The following DHTKD1 variants were observed in gnomAD, a reference collection of about 807,000 sequenced individuals.
DHTKD1 encodes 2-oxoadipate dehydrogenase complex component E1.
In DHTKD1, 78 loss-of-function variants were observed where a neutral mutation model predicts 101.8. That is an observed-to-expected ratio of 0.77 (90% CI 0.64 to 0.93). DHTKD1 has a LOEUF of 0.93. DHTKD1 is among the 40% of genes least tolerant of loss of function. The pLI is 0.00. For missense variants in DHTKD1, 1,223 were observed against 1,161.7 expected (o/e 1.05, Z -0.77); for synonymous variants, 462 against 450.3 (o/e 1.03, Z -0.33).
At chr10:12,116,908 C>T (rs1469244181) in intron 13 of DHTKD1, among the ~76,000 whole-genome samples, 1 of 152,004 alleles carries the variant, frequency 6.6e-6, no homozygotes, top group South Asian at 2.1e-4. Context: ...ACCATCTTGC[C>T]TAGGCTGGTC....
chr10:12,114,291 AG>A (rs1833380376), intron 13 of DHTKD1, among the ~76,000 whole-genome samples: 1 of 151,886 alleles, frequency 6.6e-6, no homozygotes. Flanking sequence ...AATTAGAATT[AG>A]TATTAAATTT....
Position 12,112,973 on chromosome 10 carries a change from CA to C in DHTKD1, c.2229del (p.Gln744SerfsTer74). The stretch of plus-strand genomic sequence containing the variant: ...TTTGTGGTTCACCCAACAACTCCTG[CA>C]CAGTATTTCCACTTGCTTAGGAGAC... ...NMFVVHPTTP[A>X]QYFHLLRRQM... On this transcript the variant is annotated frameshift_variant, in exon 13 of 17. Transcript: ENST00000263035. LOFTEE classifies it high-confidence loss of function. 2 of 1,613,962 alleles carry C rather than the reference CA, an allele frequency of 1.2e-6. No individual in the cohort carries two copies. The highest frequency in any genetic ancestry group is 1.7e-6 in the Non-Finnish European group (2 of 1,179,958).
intron 15 of DHTKD1, among the ~76,000 whole-genome samples, chr10:12,119,505 A>C (rs1285837135): frequency 1.7e-4 from 24 of 142,748 alleles, no homozygotes; most frequent in East Asian, 6.3e-4. Flanking sequence ...AGTCCCAGCT[A>C]CTTGGGAGGC....
At chr10:12,081,367 A>AT in intron 1 of DHTKD1, 105 bp from the exon 2 acceptor site, 1 of 885,596 alleles carries the variant, frequency 1.1e-6, no homozygotes, top group Non-Finnish European at 1.8e-6. Context: ...AAATAAATAA[A>AT]AAGTAAGGTG....
At chr10:12,081,696 G>A in intron 2 of DHTKD1, 69 bp downstream of exon 2, 1 of 1,579,012 alleles carries the variant, frequency 6.3e-7, no homozygotes, top group Non-Finnish European at 8.7e-7. Context: ...CTCTGTTCTT[G>A]AAGAAGCAGC....
chr10:12,085,606 C>T (rs529243514), intron 3 of DHTKD1, among the ~76,000 whole-genome samples: 7 of 152,208 alleles, frequency 4.6e-5, no homozygotes, highest in African/African-American at 1.7e-4. Flanking sequence ...TGACTGGGCA[C>T]AGTGGCTCGC....
At chr10:12,090,888 C>G (rs1305244989) in intron 5 of DHTKD1, among the ~76,000 whole-genome samples, 1 of 151,942 alleles carries the variant, frequency 6.6e-6, no homozygotes, top group Non-Finnish European at 1.5e-5. Flanking sequence ...TCATTTTTAC[C>G]CAGTACATTG....
intron 16 of DHTKD1, 157 bp downstream of exon 16, chr10:12,120,424 C>CG: frequency 1.6e-6 from 1 of 606,834 alleles, no homozygotes; most frequent in Non-Finnish European, 2.8e-6. Context: ...AGCTCCGCCC[C>CG]CCGGGTTCAC....
chr10:12,095,017 T>C (rs1054670480), intron 7 of DHTKD1, among the ~76,000 whole-genome samples: 2 of 152,168 alleles, frequency 1.3e-5, no homozygotes, highest in African/African-American at 4.8e-5. Context: ...GATGGGAAGA[T>C]TGAAGCAGGG....
At chr10:12,117,362 TA>T (rs1342879033) in intron 13 of DHTKD1, among the ~76,000 whole-genome samples, 2 of 132,328 alleles carry the variant, frequency 1.5e-5, no homozygotes, top group African/African-American at 5.8e-5. Context: ...GATGGTGGAG[TA>T]GGGGGTGCAA....
chr10:12,080,076 C>G (rs1050271530), intron 1 of DHTKD1, among the ~76,000 whole-genome samples: 1 of 151,852 alleles, frequency 6.6e-6, no homozygotes, highest in Non-Finnish European at 1.5e-5. Flanking sequence ...ATCAGGAGAT[C>G]GAGACCATCC....
At chr10:12,105,585 T>C (rs1833232811) in intron 10 of DHTKD1, among the ~76,000 whole-genome samples, 1 of 152,050 alleles carries the variant, frequency 6.6e-6, no homozygotes, top group South Asian at 2.1e-4. Flanking sequence ...CCCAAATTGT[T>C]GGGAGGCCAC....
rs1233167791 is a variant in DHTKD1, at chr10:12,107,357, G to C, written c.2048-552G>C. Reference sequence around the variant, plus strand: ...GCGGCATGTGCTGTCCAGGAAGCTGGGAACGTTCCCCTTTGAGTTTGTCTT... The same window carrying C: ...GCGGCATGTGCTGTCCAGGAAGCTGCGAACGTTCCCCTTTGAGTTTGTCTT... On this transcript the variant is annotated intron_variant, in intron 11 of 16. Coordinates refer to ENST00000263035, the MANE Select transcript of DHTKD1 (RefSeq NM_018706.7). This position sits in a 1 kb window ranked among gnomAD's most constrained non-coding sequence, Gnocchi z 4.1. 6.6e-6 allele frequency among the ~76,000 whole-genome samples: 1 copy of C among 151,874 alleles called. No individual in the cohort carries two copies. Among genetic ancestry groups the C allele is most frequent in the African/African-American group, 2.4e-5 (1 of 41,378 alleles).
chr10:12,074,954 C>T (rs1372616345), intron 1 of DHTKD1, among the ~76,000 whole-genome samples: 3 of 151,950 alleles, frequency 2.0e-5, no homozygotes, highest in African/African-American at 7.2e-5. Flanking sequence ...GGTGAAATCC[C>T]ATCTCTACTA....
At position 12,079,837 on chromosome 10, in the gene DHTKD1, C is replaced by T. The variant is rs752380349; in HGVS notation, c.155-1635C>T. Among the ~76,000 whole-genome samples, 4 of 152,152 alleles carry T rather than the reference C, an allele frequency of 2.6e-5. No individual in the cohort carries two copies. The South Asian group carries it at 8.3e-4, about 32-fold the overall frequency. Reference sequence around the variant, plus strand: ...CCCTTAGCAATTTATAGGACTAACCCCCAGGCTGAAATCAGTTCGTTTCCT... The same window carrying T: ...CCCTTAGCAATTTATAGGACTAACCTCCAGGCTGAAATCAGTTCGTTTCCT... On this transcript the variant is annotated intron_variant, in intron 1 of 16. Coordinates refer to ENST00000263035, the MANE Select transcript of DHTKD1 (RefSeq NM_018706.7).
intron 8 of DHTKD1, among the ~76,000 whole-genome samples, chr10:12,098,868 A>G (rs917748322): frequency 3.3e-5 from 5 of 152,170 alleles, no homozygotes; most frequent in African/African-American, 1.2e-4. Context: ...CCTAACATGA[A>G]TTATTTTCAA....
At chr10:12,111,421 C>T (rs1038209774) in intron 12 of DHTKD1, among the ~76,000 whole-genome samples, 1 of 152,204 alleles carries the variant, frequency 6.6e-6, no homozygotes, top group Non-Finnish European at 1.5e-5. Context: ...CCACCTTGGC[C>T]TCCCAAAGTG....
At chr10:12,074,837 A>G (rs770643263) in intron 1 of DHTKD1, among the ~76,000 whole-genome samples, 46 of 152,076 alleles carry the variant, frequency 3.0e-4, no homozygotes, top group Admixed American at 5.9e-4. Flanking sequence ...ATACAGGGCA[A>G]TCCCCATTCC....
At chr10:12,119,634 AAG>A (rs1183738476) in intron 15 of DHTKD1, among the ~76,000 whole-genome samples, 44 of 141,754 alleles carry the variant, frequency 3.1e-4, no homozygotes, top group African/African-American at 6.1e-4. Context: ...AAAAAAAAAA[AAG>A]AAAGAAAATT....
Sources: allele counts gnomAD v4.1 joint callset (sites outside exome capture counted in the v4.1 genomes callset), GRCh38; gene constraint gnomAD v4.1.1; non-coding constraint Gnocchi (gnomAD v3.1); transcripts MANE v1.5; gene names NCBI Gene and HGNC (gene_info 2026-07-23, HGNC 2026-07-21).